MGAT4C: variants seen among roughly 807,000 people sequenced by gnomAD.
MGAT4C encodes alpha-1,3-mannosyl-glycoprotein 4-beta-N-acetylglucosaminyltransferase C.
Under a neutral mutation model 40.1 loss-of-function variants are expected in MGAT4C, and 19 were observed. That is an observed-to-expected ratio of 0.47 (90% confidence interval 0.33 to 0.70). The LOEUF (loss-of-function observed/expected upper bound fraction) is 0.70. Ranked by LOEUF, MGAT4C falls within the 30% of genes least tolerant of loss-of-function variation. MGAT4C has a pLI of 0.02. For synonymous variants in MGAT4C, 181 were observed against 187.1 expected (o/e 0.97, Z 0.27); for missense variants, 491 against 563.2 (o/e 0.87, Z 1.30).
At chr12:86,167,943 G>A (rs1016953508) in intron 1 of MGAT4C, among the ~76,000 whole-genome samples, 2 of 152,080 alleles carry the variant, frequency 1.3e-5, no homozygotes, top group Non-Finnish European at 2.9e-5. Flanking sequence ...TAGTGAATAA[G>A]GTATGCTGTC....
chr12:86,109,990 T>G (rs1876937648), intron 1 of MGAT4C, among the ~76,000 whole-genome samples: 1 of 151,146 alleles, frequency 6.6e-6, no homozygotes, highest in Non-Finnish European at 1.5e-5. Flanking sequence ...GATGAAGAAG[T>G]ATGGAAAGTG....
intron 3 of MGAT4C, among the ~76,000 whole-genome samples, chr12:86,376,721 G>T (rs1461837007): frequency 1.3e-5 from 2 of 151,448 alleles, no homozygotes; most frequent in African/African-American, 4.9e-5. Context: ...AGGACTTAAG[G>T]GGTAAAGTGA....
At chr12:86,766,011 A>G (rs975891211) in intron 1 of MGAT4C, among the ~76,000 whole-genome samples, 16 of 152,210 alleles carry the variant, frequency 1.1e-4, no homozygotes, top group Admixed American at 7.2e-4. Context: ...AAATTCACAC[A>G]TAACAATATT....
At chr12:85,999,982 T>C (rs11117152) in intron 2 of MGAT4C, among the ~76,000 whole-genome samples, 36,215 of 151,996 alleles carry the variant, frequency 0.24, 5,105 homozygotes, top group Non-Finnish European at 0.32. Flanking sequence ...AAGCAGTGTA[T>C]ATTTCAAGAT....
intron 3 of MGAT4C, among the ~76,000 whole-genome samples, chr12:86,402,013 T>C (rs1167532856): frequency 6.6e-6 from 1 of 152,062 alleles, no homozygotes. Flanking sequence ...CCTGTATTGA[T>C]AGTTAATGCC....
rs146753429 is a variant in MGAT4C at position 86,106,450 on chromosome 12, G to A, written c.-56-56727C>T. On this transcript the variant is annotated intron_variant, in intron 1 of 4. Transcript: ENST00000611864. ...CTAGTCGCTGAGACTGCACGTTCCC[G>A]CCAGGATGCCTGGCTAATTTTTTTA... Among the ~76,000 whole-genome samples the A allele has an allele frequency of 8.8e-3, 1,333 of 152,080 alleles. 11 individuals are homozygous for A. The highest frequency in any genetic ancestry group is 0.015 in the Non-Finnish European group (1,041 of 67,974).
intron 1 of MGAT4C, among the ~76,000 whole-genome samples, chr12:86,090,494 G>A (rs917251675): frequency 6.6e-6 from 1 of 151,676 alleles, no homozygotes; most frequent in African/African-American, 2.4e-5. Flanking sequence ...AAATATGTAT[G>A]ATATATTGGT....
chr12:86,668,575 A>G (rs553213451), intron 2 of MGAT4C, among the ~76,000 whole-genome samples: 3 of 152,222 alleles, frequency 2.0e-5, no homozygotes, highest in South Asian at 4.2e-4. Flanking sequence ...GTGCACATAC[A>G]CTGTCAGCCA....
chr12:86,458,521 T>C (rs1957545571), intron 2 of MGAT4C, among the ~76,000 whole-genome samples: 1 of 152,204 alleles, frequency 6.6e-6, no homozygotes, highest in Non-Finnish European at 1.5e-5. Context: ...GGAACAAGAA[T>C]GTAGAAAACA....
chr12:86,037,783 A>G (rs1891391367), intron 2 of MGAT4C, among the ~76,000 whole-genome samples: 1 of 149,764 alleles, frequency 6.7e-6, no homozygotes, highest in Non-Finnish European at 1.5e-5. Flanking sequence ...TGGGGTGGAG[A>G]GTTCTGTCGA....
intron 1 of MGAT4C, among the ~76,000 whole-genome samples, chr12:86,217,749 T>TAA (rs1566164278): frequency 1.3e-5 from 2 of 152,162 alleles, no homozygotes; most frequent in Admixed American, 6.5e-5. Context: ...GTGCTTTTGG[T>TAA]AAGAAAAAGC....
At chr12:86,312,762 G>C (rs1180512561) in intron 4 of MGAT4C, among the ~76,000 whole-genome samples, 1 of 151,904 alleles carries the variant, frequency 6.6e-6, no homozygotes, top group African/African-American at 2.4e-5. Context: ...TTTCATTTTA[G>C]CTGAAATGAT....
Position 86,009,708 on chromosome 12 carries a change from C to T in MGAT4C, c.-6-20156G>A, listed in dbSNP as rs910193357. Among the ~76,000 whole-genome samples, 24 of 152,276 alleles carry T rather than the reference C, an allele frequency of 1.6e-4. 1 individual carries two copies. Among genetic ancestry groups the T allele is most frequent in the Middle Eastern group, 3.4e-3 (1 of 294 alleles). On this transcript the variant is annotated intron_variant, in intron 2 of 4. Coordinates refer to ENST00000611864, the MANE Select transcript of MGAT4C (RefSeq NM_001351288.2). ...TTAAGGATAGAGGCAAATCTGACCC[C>T]TATTTCTCCATCATGGTAAGAAGCA...
chr12:85,983,593 A>C lies in MGAT4C; in HGVS notation c.225T>G (p.Asp75Glu). ...TTATGGCTCCTGAGAAATTAGATAA[A>C]TCCTTGAAAGTATGAACATAGCGTT... is the stretch of plus-strand genomic sequence containing the variant. ...NSERYVHTFKDLSNFSGAINV... is the reference protein window; with the variant it reads ...NSERYVHTFKELSNFSGAINV... The change falls in exon 4 of 5, where the codon GAT (aspartate) becomes GAG (glutamate). Residue 75 changes from aspartate (D) to glutamate (E), a missense_variant. By Grantham distance (45) the Asp-to-Glu change is conservative. Transcript: ENST00000611864. The C allele has an allele frequency of 6.3e-7, 1 of 1,598,760 alleles. No individual in the cohort carries two copies. Among genetic ancestry groups the C allele is most frequent in the East Asian group, 2.3e-5 (1 of 43,776 alleles).
At chr12:86,228,235 A>G (rs1001708481) in intron 1 of MGAT4C, among the ~76,000 whole-genome samples, 7 of 151,846 alleles carry the variant, frequency 4.6e-5, no homozygotes, top group Admixed American at 1.3e-4. Context: ...AAAGAGAGAG[A>G]GAGTAAAAAT....
intron 1 of MGAT4C, among the ~76,000 whole-genome samples, chr12:86,209,245 T>C (rs1471365067): frequency 2.6e-5 from 4 of 152,050 alleles, no homozygotes; most frequent in Non-Finnish European, 5.9e-5. Flanking sequence ...CACTTAATGG[T>C]ATTTGCAAGA....
At chr12:86,369,357 C>G (rs1378460988) in intron 3 of MGAT4C, among the ~76,000 whole-genome samples, 1 of 151,868 alleles carries the variant, frequency 6.6e-6, no homozygotes, top group Non-Finnish European at 1.5e-5. Context: ...ACTGTAAGAA[C>G]TTACTATTGC....
chr12:86,745,319 G>A (rs79441418), intron 1 of MGAT4C, among the ~76,000 whole-genome samples: 41 of 151,692 alleles, frequency 2.7e-4, no homozygotes, highest in African/African-American at 9.4e-4. Context: ...GAAGGAGTTC[G>A]CATCTGGAGA....
intron 2 of MGAT4C, among the ~76,000 whole-genome samples, chr12:86,684,175 C>T (rs1395408793): frequency 6.6e-6 from 1 of 152,008 alleles, no homozygotes; most frequent in Non-Finnish European, 1.5e-5. Flanking sequence ...CATGCATTAC[C>T]TCCCCTTGCT....
Sources: gnomAD v4.1 joint callset for allele counts (sites outside exome capture counted in the v4.1 genomes callset) on GRCh38, gnomAD v4.1.1 for gene constraint, MANE v1.5 for transcripts, NCBI Gene and HGNC (gene_info 2026-07-23, HGNC 2026-07-21) for gene names.